NAALADL2: variants seen among roughly 807,000 people sequenced by gnomAD.
The protein encoded by NAALADL2 is inactive N-acetylated-alpha-linked acidic dipeptidase-like protein 2.
A neutral mutation model predicts 87.2 loss-of-function variants in NAALADL2; 76 were observed. That is an observed-to-expected ratio of 0.87 (90% CI 0.72 to 1.05). The LOEUF (loss-of-function observed/expected upper bound fraction) is 1.05. Ranked by LOEUF, NAALADL2 falls within the 50% of genes least tolerant of loss-of-function variation. The pLI, the probability that NAALADL2 is intolerant of heterozygous loss-of-function variation, is 0.00. For missense variants in NAALADL2, 1,089 were observed against 945.8 expected (o/e 1.15, Z -1.99); for synonymous variants, 354 against 331.0 (o/e 1.07, Z -0.75).
intron 10 of NAALADL2, among the ~76,000 whole-genome samples, chr3:175,606,264 A>G (rs143597839): frequency 6.6e-6 from 1 of 152,284 alleles, no homozygotes; most frequent in East Asian, 1.9e-4. Flanking sequence ...TACCAGTTTG[A>G]TGAGGGATAC....
intron 2 of NAALADL2, among the ~76,000 whole-genome samples, chr3:174,629,457 CT>C (rs1721899849): frequency 6.6e-6 from 1 of 152,140 alleles, no homozygotes; most frequent in Non-Finnish European, 1.5e-5. Flanking sequence ...CTCAGTAAGT[CT>C]TTAGAGACAT....
intron 11 of NAALADL2, among the ~76,000 whole-genome samples, chr3:175,668,938 C>A (rs1733569819): frequency 6.6e-6 from 1 of 152,080 alleles, no homozygotes; most frequent in African/African-American, 2.4e-5. Context: ...ATGTGCAAGG[C>A]ACTGTATCAT....
intron 5 of NAALADL2, among the ~76,000 whole-genome samples, chr3:175,394,861 A>T (rs901792996): frequency 6.6e-6 from 1 of 152,052 alleles, no homozygotes; most frequent in Non-Finnish European, 1.5e-5. Context: ...AACTAGCACA[A>T]TTTTTTTCCC....
rs1192728073 is a variant in NAALADL2 at position 175,206,284 on chromosome 3, GTGTA to G, written c.546-27639_546-27636del. 2.1e-3 allele frequency among the ~76,000 whole-genome samples: 160 copies of G among 76,580 alleles called. 12 individuals carry two copies. The highest frequency in any genetic ancestry group is 0.01 in the African/African-American group (153 of 14,780). 50.2% of individuals were successfully genotyped at this position (76,580 alleles called of 152,430 possible). On this transcript the variant is annotated intron_variant, in intron 2 of 13. Transcript: ENST00000454872. ...TATATTTTTTTTTTTCACTGTGTGT[GTGTA>G]TGTATGTGTATATATATATATATAC...
At chr3:175,330,035 G>A (rs1239076381) in intron 5 of NAALADL2, among the ~76,000 whole-genome samples, 1 of 151,972 alleles carries the variant, frequency 6.6e-6, no homozygotes, top group Non-Finnish European at 1.5e-5. Context: ...TTGTGTACTT[G>A]TATTGGAAGC....
intron 10 of NAALADL2, among the ~76,000 whole-genome samples, chr3:175,625,735 G>A (rs996154321): frequency 2.6e-5 from 4 of 151,894 alleles, no homozygotes; most frequent in African/African-American, 9.7e-5. Flanking sequence ...ATTTATTCAT[G>A]GTATGATCTT....
At chr3:174,583,255 A>G (rs1248674235) in intron 2 of NAALADL2, among the ~76,000 whole-genome samples, 3 of 152,346 alleles carry the variant, frequency 2.0e-5, no homozygotes, top group East Asian at 1.9e-4. Flanking sequence ...TGCACTTTTA[A>G]ACATGCTGCT....
chr3:174,870,555 C>T (rs913792014), intron 1 of NAALADL2, among the ~76,000 whole-genome samples: 1 of 151,344 alleles, frequency 6.6e-6, no homozygotes, highest in Non-Finnish European at 1.5e-5. Flanking sequence ...GGGTTTGTGT[C>T]ATTATCTTGT....
intron 2 of NAALADL2, among the ~76,000 whole-genome samples, chr3:175,214,585 A>T (rs889143370): frequency 1.3e-5 from 2 of 148,222 alleles, no homozygotes; most frequent in Non-Finnish European, 3.0e-5. Flanking sequence ...GAAAAATAAA[A>T]AATCAGATGT....
intron 3 of NAALADL2, among the ~76,000 whole-genome samples, chr3:174,802,934 A>G (rs1719013509): frequency 6.6e-6 from 1 of 152,170 alleles, no homozygotes; most frequent in African/African-American, 2.4e-5. Context: ...ATAGTGCACA[A>G]TAAACATATG....
intron 6 of NAALADL2, among the ~76,000 whole-genome samples, chr3:175,458,041 G>C (rs193255404): frequency 2.6e-5 from 4 of 151,934 alleles, no homozygotes; most frequent in African/African-American, 9.7e-5. Flanking sequence ...ACTTCAGCTG[G>C]GTTCTGTGTC....
intron 12 of NAALADL2, among the ~76,000 whole-genome samples, chr3:175,754,500 T>A (rs568285865): frequency 6.6e-6 from 1 of 152,308 alleles, no homozygotes; most frequent in South Asian, 2.1e-4. Context: ...AAACACTACA[T>A]AAAATAGTTT....
chr3:175,188,689 T>C (rs1737699567), intron 2 of NAALADL2, among the ~76,000 whole-genome samples: 1 of 152,080 alleles, frequency 6.6e-6, no homozygotes. Context: ...ACTGTACTGC[T>C]CCCTGCTAAC....
intron 4 of NAALADL2, among the ~76,000 whole-genome samples, chr3:175,281,424 A>G (rs1379563808): frequency 6.6e-6 from 1 of 151,936 alleles, no homozygotes; most frequent in African/African-American, 2.4e-5. Flanking sequence ...ATAATAGGCT[A>G]AAACACCTTT....
chr3:175,729,625 C>T (rs5017493), intron 11 of NAALADL2, among the ~76,000 whole-genome samples: 36,356 of 152,050 alleles, frequency 0.24, 4,566 homozygotes, highest in Middle Eastern at 0.33. Context: ...TTCTATACAT[C>T]ACTTCCCTTT....
chr3:174,976,645 A>G (rs1233241876), intron 1 of NAALADL2, among the ~76,000 whole-genome samples: 1 of 152,200 alleles, frequency 6.6e-6, no homozygotes, highest in Non-Finnish European at 1.5e-5. Context: ...GCTTGGGTAG[A>G]TACACCCAAA....
intron 2 of NAALADL2, among the ~76,000 whole-genome samples, chr3:174,733,205 C>T (rs1429835598): frequency 1.3e-5 from 2 of 152,118 alleles, no homozygotes; most frequent in Non-Finnish European, 2.9e-5. Context: ...TCGCAGTATT[C>T]TGATTTTAGG....
chr3:174,667,969 A>G (rs1034254926), intron 2 of NAALADL2, among the ~76,000 whole-genome samples: 6 of 152,066 alleles, frequency 3.9e-5, no homozygotes, highest in African/African-American at 1.2e-4. Flanking sequence ...CAGCTGCACC[A>G]TTTTATAATC....
At chr3:174,767,519 T>C (rs1403504253) in intron 3 of NAALADL2, among the ~76,000 whole-genome samples, 1 of 152,160 alleles carries the variant, frequency 6.6e-6, no homozygotes, top group East Asian at 1.9e-4. Context: ...TTATATGGTG[T>C]CTACTAGATA....
Sources: allele counts gnomAD v4.1 joint callset (sites outside exome capture counted in the v4.1 genomes callset), GRCh38; gene constraint gnomAD v4.1.1; transcripts MANE v1.5; gene names NCBI Gene and HGNC (gene_info 2026-07-23, HGNC 2026-07-21).